The following MAP3K19 variants were observed in gnomAD, a reference collection of about 807,000 sequenced individuals.
MAP3K19 encodes SPS1/STE20-related protein kinase YSK4.
A neutral mutation model predicts 114.4 loss-of-function variants in MAP3K19; 91 were observed. The ratio of observed to expected loss-of-function variants is 0.80; its 90% CI spans 0.67 to 0.95. The LOEUF (loss-of-function observed/expected upper bound fraction) is 0.95, where lower values mean the gene tolerates loss of function less well. MAP3K19 is among the 40% of genes least tolerant of loss of function. The pLI is 0.00. For missense variants in MAP3K19, 1,471 were observed against 1,573.2 expected (o/e 0.94, Z 1.10); for synonymous variants, 518 against 530.5 (o/e 0.98, Z 0.32).
chr2:134,966,419 T>G (rs558832458), intron 12 of MAP3K19, among the ~76,000 whole-genome samples: 38 of 152,076 alleles, frequency 2.5e-4, no homozygotes, highest in South Asian at 2.1e-3. Flanking sequence ...TTTTTGTGGG[T>G]TTTTTTTAAT....
Position 135,024,743 on chromosome 2 carries a change from T to G in MAP3K19, c.-94-2A>C. 6.7e-6 allele frequency: 7 copies of G among 1,046,896 alleles called. No individual in the cohort carries two copies. The highest frequency in any genetic ancestry group is 1.0e-5 in the Non-Finnish European group (7 of 683,090). The allele number at this position is 1,046,896 out of a possible 1,614,324, so 64.9% of individuals were successfully genotyped here. ...CTAAAATCACAAAGTTTAGGATCTC[T>G]AGGAAGAACAGAATCAACATTAAAG... is the stretch of plus-strand genomic sequence containing the variant. On this transcript the variant is annotated splice_acceptor_variant, in intron 3 of 12. Coordinates refer to ENST00000392915, the MANE Select transcript of MAP3K19 (RefSeq NM_025052.5). LOFTEE classifies it low-confidence loss of function (5UTR_SPLICE).
At chr2:135,023,891 T>C (rs375401706) in intron 4 of MAP3K19, among the ~76,000 whole-genome samples, 1 of 150,662 alleles carries the variant, frequency 6.6e-6, no homozygotes, top group African/African-American at 2.5e-5. Flanking sequence ...TTAGTGTCTG[T>C]TTTATTGAAA....
chr2:135,031,742 G>C (rs1236724331), intron 2 of MAP3K19, among the ~76,000 whole-genome samples: 1 of 152,208 alleles, frequency 6.6e-6, no homozygotes, highest in East Asian at 1.9e-4. Context: ...AATGGTAGTG[G>C]AGATTTAGTG....
Position 134,981,383 on chromosome 2 carries a change from G to A in MAP3K19, c.3358C>T (p.His1120Tyr), listed in dbSNP as rs1371126936. ...CCCAAATAGGCCACAATGTTGACAT[G>A]TTTCAGTGCTTTGAGCAAATCTACT... ...EEVDLLKALKHVNIVAYLGTC... is the reference protein window; with the variant it reads ...EEVDLLKALKYVNIVAYLGTC... Residue 1120 changes from histidine to tyrosine, a missense_variant, in exon 12 of 13, where the codon CAT (histidine) becomes TAT (tyrosine). Physicochemically the swap from His to Tyr is moderately conservative, Grantham distance 83 (BLOSUM62 2). Transcript: ENST00000392915. 8 of 1,614,198 alleles carry A rather than the reference G, an allele frequency of 5.0e-6. No individual in the cohort carries two copies. Among genetic ancestry groups the A allele is most frequent in the Non-Finnish European group, 6.8e-6 (8 of 1,180,042 alleles).
chr2:135,016,224 T>C (rs2105351320), intron 5 of MAP3K19, among the ~76,000 whole-genome samples: 1 of 152,336 alleles, frequency 6.6e-6, no homozygotes, highest in South Asian at 2.1e-4. Flanking sequence ...CAATGTGGAA[T>C]TGATTTTGTA....
chr2:134,993,520 C>T (rs1406554956), intron 8 of MAP3K19, among the ~76,000 whole-genome samples: 2 of 152,182 alleles, frequency 1.3e-5, no homozygotes, highest in African/African-American at 4.8e-5. Context: ...CAGATCTTTG[C>T]TCTTTGCTCC....
intron 12 of MAP3K19, among the ~76,000 whole-genome samples, chr2:134,967,269 C>A (rs1353590196): frequency 6.6e-6 from 1 of 152,186 alleles, no homozygotes; most frequent in Non-Finnish European, 1.5e-5. Flanking sequence ...TCCAAAGTTT[C>A]TCCCCATGTG....
chr2:134,993,836 C>A (rs1348244554), intron 8 of MAP3K19, among the ~76,000 whole-genome samples: 1 of 152,016 alleles, frequency 6.6e-6, no homozygotes, highest in East Asian at 1.9e-4. Flanking sequence ...CATAGCGAGA[C>A]CCCATCTCTA....
At chr2:134,967,630 T>TC (rs1231773665) in intron 12 of MAP3K19, among the ~76,000 whole-genome samples, 1 of 152,174 alleles carries the variant, frequency 6.6e-6, no homozygotes, top group Non-Finnish European at 1.5e-5. Flanking sequence ...CCCTTGAACT[T>TC]CCTTATGACT....
At chr2:134,967,857 CTTTT>C (rs573777137) in intron 12 of MAP3K19, among the ~76,000 whole-genome samples, 1 of 143,288 alleles carries the variant, frequency 7.0e-6, no homozygotes, top group Non-Finnish European at 1.5e-5. Flanking sequence ...TTCTTTCTTT[CTTTT>C]TTTTTTTTTT....
At chr2:135,010,071 T>G (rs964102619) in intron 5 of MAP3K19, among the ~76,000 whole-genome samples, 4 of 149,412 alleles carry the variant, frequency 2.7e-5, no homozygotes, top group Non-Finnish European at 3.0e-5. Context: ...CTTGTTAGCA[T>G]GAAAAGTTTG....
intron 5 of MAP3K19, among the ~76,000 whole-genome samples, chr2:135,007,789 A>T (rs574402803): frequency 6.6e-6 from 1 of 152,216 alleles, no homozygotes; most frequent in African/African-American, 2.4e-5. Flanking sequence ...AAATTCTACC[A>T]TTATCTGGCA....
rs987307841 is a variant in MAP3K19 at position 134,999,838 on chromosome 2, C to G, written c.314+99G>C. 14 of 817,114 alleles carry G rather than the reference C, an allele frequency of 1.7e-5. No individual in the cohort carries two copies. The South Asian group carries it at 2.1e-4, about 12-fold the overall frequency. 50.6% of individuals were successfully genotyped at this position (817,114 alleles called of 1,614,324 possible). On this transcript the variant is annotated intron_variant, in intron 7 of 12. Transcript: ENST00000392915. This position sits in a 1 kb window ranked among gnomAD's most constrained non-coding sequence, Gnocchi z 4.1. ...ATTTATTGTGACCTCTACTTTTAAG[C>G]ATTATTATGGATTCAATTACTAATA...
chr2:134,990,975 C>T (rs1168188794), intron 9 of MAP3K19, among the ~76,000 whole-genome samples: 1 of 151,910 alleles, frequency 6.6e-6, no homozygotes. Context: ...GGGAGTATTG[C>T]TTGAGGCCAG....
At position 135,021,815 on chromosome 2, in the gene MAP3K19, G is replaced by T; in HGVS notation, c.38C>A (p.Ser13Ter). The change falls in exon 5 of 13, where the codon TCA becomes TAA. Residue 13 changes from serine (S) to a stop codon, truncating the protein, a stop_gained. Coordinates refer to ENST00000392915, the MANE Select transcript of MAP3K19 (RefSeq NM_025052.5). LOFTEE classifies it high-confidence loss of function. Reference sequence around the variant, plus strand: ...TGTATCATGACAAATGTCAAGCAATGACTCAGCATGTCTTTCTATCAAAAG... The same window carrying T: ...TGTATCATGACAAATGTCAAGCAATTACTCAGCATGTCTTTCTATCAAAAG... ...SMPKPERHAE[S>*]LLDICHDTNS... 1 of 1,599,742 alleles carries T rather than the reference G, an allele frequency of 6.3e-7. No individual in the cohort carries two copies. The highest frequency in any genetic ancestry group is 8.5e-7 in the Non-Finnish European group (1 of 1,171,490).
In MAP3K19 at chr2:134,986,188, C is replaced by CT; in HGVS notation, c.2683dup (p.Ser895LysfsTer7). ...AAGTGTTTTAGAGTGATCTGAAACACTATCAAACTCTAGATCATTAGTTAA... is the reference window on the plus strand; with the variant it reads ...AAGTGTTTTAGAGTGATCTGAAACACTTATCAAACTCTAGATCATTAGTTAA... On this transcript the variant is annotated frameshift_variant, in exon 10 of 13. Transcript: ENST00000392915. LOFTEE classifies it high-confidence loss of function. 6.2e-7 allele frequency: 1 copy of CT among 1,613,688 alleles called. No individual in the cohort carries two copies. Among genetic ancestry groups the CT allele is most frequent in the African/African-American group, 1.3e-5 (1 of 75,032 alleles).
At chr2:135,012,601 C>T (rs1046150606) in intron 5 of MAP3K19, among the ~76,000 whole-genome samples, 2 of 151,748 alleles carry the variant, frequency 1.3e-5, no homozygotes, top group African/African-American at 4.8e-5. Flanking sequence ...AGACTTATAC[C>T]GAGAAAAACA....
intron 12 of MAP3K19, among the ~76,000 whole-genome samples, chr2:134,968,560 G>A (rs1683587819): frequency 6.6e-6 from 1 of 151,342 alleles, no homozygotes; most frequent in African/African-American, 2.4e-5. Flanking sequence ...AGACGGGGTG[G>A]CTGCCGGGCG....
At chr2:135,018,216 G>A (rs11888870) in intron 5 of MAP3K19, among the ~76,000 whole-genome samples, 19,782 of 150,186 alleles carry the variant, frequency 0.13, 1,654 homozygotes, top group South Asian at 0.32. Flanking sequence ...ACTTGAACCC[G>A]GGCAGCGGAG....
Sources: gnomAD v4.1 joint callset for allele counts (sites outside exome capture counted in the v4.1 genomes callset) on GRCh38, gnomAD v4.1.1 for gene constraint, Gnocchi (gnomAD v3.1) non-coding constraint, MANE v1.5 for transcripts, NCBI Gene and HGNC (gene_info 2026-07-23, HGNC 2026-07-21) for gene names.